Variants in RASD2 observed in about 807,000 individuals in gnomAD.
The protein encoded by RASD2 is GTP-binding protein Rhes.
A neutral mutation model predicts 15.8 loss-of-function variants in RASD2; 7 were observed. That is an observed-to-expected ratio of 0.44 (90% CI 0.25 to 0.83). The LOEUF is 0.83. Ranked by LOEUF, RASD2 falls within the 40% of genes least tolerant of loss-of-function variation. The probability of loss-of-function intolerance (pLI) is 0.20; values close to 1 mark genes in which losing one functional copy is unlikely to be tolerated. For missense variants in RASD2, 274 were observed against 382.8 expected, an observed-to-expected ratio of 0.72 and a Z score of 2.37; for synonymous variants, 155 against 153.6, an observed-to-expected ratio of 1.01 and a Z score of -0.07.
In RASD2 at chr22:35,551,949, G is replaced by A. The variant is rs773728360; in HGVS notation, c.718G>A (p.Val240Ile). Reference protein sequence around the residue: ...MVSPFARRPSVNSDLKYIKAK... With the variant: ...MVSPFARRPSINSDLKYIKAK... Reference sequence around the variant, plus strand: ...CTCGCCCTTCGCCCGCCGCCCCAGCGTCAACAGTGACCTCAAGTACATCAA... The same window carrying A: ...CTCGCCCTTCGCCCGCCGCCCCAGCATCAACAGTGACCTCAAGTACATCAA... The change falls in exon 3 of 3, where the codon GTC (valine) becomes ATC (isoleucine). Residue 240 changes from valine (V) to isoleucine (I), a missense_variant. Coordinates refer to ENST00000216127, the MANE Select transcript of RASD2 (RefSeq NM_014310.4). The surrounding 1 kb of genome is among the most constrained non-coding windows in gnomAD (Gnocchi z 4.9). 1.4e-5 allele frequency: 22 copies of A among 1,606,094 alleles called. No individual in the cohort carries two copies. The highest frequency in any genetic ancestry group is 1.9e-5 in the Non-Finnish European group (22 of 1,179,996).
At chr22:35,549,342 G>T (rs1934599682) in intron 2 of RASD2, among the ~76,000 whole-genome samples, 1 of 151,990 alleles carries the variant, frequency 6.6e-6, no homozygotes, top group African/African-American at 2.4e-5. Context: ...ACCAACCCGT[G>T]CCTCATTTTC....
chr22:35,533,414 A>C, the RASD2 span, among the ~76,000 whole-genome samples: 3 of 152,236 alleles, frequency 2.0e-5, no homozygotes, highest in African/African-American at 7.2e-5. Context: ...TAAACACCTA[A>C]AAAGGAGCAA....
rs1934712885 is a variant in RASD2 at position 35,552,783 on chromosome 22, A to C, written c.*751A>C. 6.6e-6 allele frequency: 1 copy of C among 152,412 alleles called. No individual in the cohort carries two copies. Among genetic ancestry groups the C allele is most frequent in the Non-Finnish European group, 1.5e-5 (1 of 68,036 alleles). 9.4% of individuals were successfully genotyped at this position (152,412 alleles called of 1,614,324 possible). The stretch of plus-strand genomic sequence containing the variant: ...AGAAATGGAAATCATTGTACTGTAA[A>C]AGCCTAGTGACTCCCTCCTTGGCCA... On this transcript the variant is annotated 3_prime_UTR_variant, in exon 3 of 3. Transcript: ENST00000216127.
intron 1 of RASD2, among the ~76,000 whole-genome samples, chr22:35,545,075 G>A (rs1470076665): frequency 1.3e-5 from 2 of 152,186 alleles, no homozygotes; most frequent in African/African-American, 4.8e-5. Flanking sequence ...TTCATTCATC[G>A]AAGTCACATT....
In RASD2 at chr22:35,546,788, C is replaced by A. The variant is rs778517535; in HGVS notation, c.-9-13C>A. 6.2e-7 allele frequency: 1 copy of A among 1,609,318 alleles called. No homozygotes were observed. The highest frequency in any genetic ancestry group is 8.5e-7 in the Non-Finnish European group (1 of 1,177,436). The stretch of plus-strand genomic sequence containing the variant: ...GGGGGGCCCTGATGCCTGCTTCTCT[C>A]GCTTTGTTGCAGCCCCGAGCCATGA... On this transcript the variant is annotated splice_polypyrimidine_tract_variant and intron_variant, in intron 1 of 2. Transcript: ENST00000216127.
At chr22:35,544,518 GAC>G (rs370851727) in intron 1 of RASD2, among the ~76,000 whole-genome samples, 86 of 152,374 alleles carry the variant, frequency 5.6e-4, no homozygotes, top group African/African-American at 2.0e-3. Flanking sequence ...CAAACCCAAA[GAC>G]AGAGCCCTTT....
rs184391459 is a variant in RASD2, at chr22:35,542,975, T to C, written c.-10+1475T>C. ...CGCCTGATGCCAGCTGAGGCTTCAC[T>C]GAGACAGACAGTGTTTTGGAAAAGA... On this transcript the variant is annotated intron_variant, in intron 1 of 2. Transcript: ENST00000216127. 3.4e-3 allele frequency among the ~76,000 whole-genome samples: 519 copies of C among 152,290 alleles called. 4 individuals are homozygous for C. Among genetic ancestry groups the C allele is most frequent in the Non-Finnish European group, 5.8e-3 (394 of 68,010 alleles).
Position 35,551,399 on chromosome 22 carries a change from G to A in RASD2, c.272-104G>A, listed in dbSNP as rs1209283974. On this transcript the variant is annotated intron_variant, in intron 2 of 2. Coordinates refer to ENST00000216127, the MANE Select transcript of RASD2 (RefSeq NM_014310.4). The surrounding 1 kb of genome is among the most constrained non-coding windows in gnomAD (Gnocchi z 4.9). ...GCAGTTATGCCGCATAACTGCTTCA[G>A]GGCACCTGTGACTCCCAGCTCTTAG... 8.4e-7 allele frequency: 1 copy of A among 1,193,878 alleles called. No individual in the cohort carries two copies. The highest frequency in any genetic ancestry group is 1.2e-6 in the Non-Finnish European group (1 of 836,726). 74.0% of individuals were successfully genotyped at this position (1,193,878 alleles called of 1,614,324 possible). A position where few individuals can be genotyped will look rare whatever the true frequency, so the allele number is the denominator to read the frequency against.
At chr22:35,549,507 C>T (rs1934602709) in intron 2 of RASD2, among the ~76,000 whole-genome samples, 1 of 152,300 alleles carries the variant, frequency 6.6e-6, no homozygotes, top group Middle Eastern at 3.4e-3. Context: ...ATGTCAAGGC[C>T]ACGAGTCCTC....
chr22:35,547,612 G>T (rs953879103), intron 2 of RASD2, among the ~76,000 whole-genome samples: 1 of 152,186 alleles, frequency 6.6e-6, no homozygotes, highest in East Asian at 1.9e-4. Context: ...TGTTCTTAGA[G>T]CTTGGCATGT....
At chr22:35,540,102 G>A (rs1215385270), upstream of RASD2, among the ~76,000 whole-genome samples, 10 of 152,238 alleles carry the variant, frequency 6.6e-5, no homozygotes, top group Non-Finnish European at 1.5e-4. Flanking sequence ...CAGGCAGGTT[G>A]GACACCTGGG....
chr22:35,534,441 G>A, the RASD2 span, among the ~76,000 whole-genome samples: 4 of 152,164 alleles, frequency 2.6e-5, no homozygotes, highest in Admixed American at 6.5e-5. Context: ...GCTTCTCCAC[G>A]TAGGGTTGTG....
intron 1 of RASD2, among the ~76,000 whole-genome samples, chr22:35,544,195 G>T (rs1206532072): frequency 1.3e-5 from 2 of 152,234 alleles, no homozygotes. Flanking sequence ...TTAGACAGAA[G>T]TGACCGCCAG....
At chr22:35,536,450 C>T (rs1011864946), upstream of RASD2, among the ~76,000 whole-genome samples, 1 of 152,040 alleles carries the variant, frequency 6.6e-6, no homozygotes, top group African/African-American at 2.4e-5. Flanking sequence ...CTCAGCCTCC[C>T]GAGTAGCTGG....
upstream of RASD2, among the ~76,000 whole-genome samples, chr22:35,536,447 T>C (rs530356183): frequency 3.1e-4 from 47 of 151,834 alleles, no homozygotes. Context: ...TGCCTCAGCC[T>C]CCCGAGTAGC....
chr22:35,547,445 C>T (rs1441187511), intron 2 of RASD2, among the ~76,000 whole-genome samples: 6 of 152,310 alleles, frequency 3.9e-5, no homozygotes, highest in African/African-American at 7.2e-5. Flanking sequence ...GGTCAGTCCA[C>T]GGGGCTCAGG....
At chr22:35,535,952 C>T (rs112744066), upstream of RASD2, among the ~76,000 whole-genome samples, 3,054 of 152,142 alleles carry the variant, frequency 0.02, 101 homozygotes, top group African/African-American at 0.069. Context: ...TCAGATGCAC[C>T]GGGGGCAGGG....
the RASD2 span, among the ~76,000 whole-genome samples, chr22:35,535,759 C>T: frequency 1.2e-4 from 18 of 152,240 alleles, no homozygotes; most frequent in East Asian, 2.7e-3. Flanking sequence ...TTGGCTGGAG[C>T]ATAAAGGAGG....
At chr22:35,547,132 G>A (rs769914028) in intron 2 of RASD2, 52 bp downstream of exon 2, 17 of 1,552,062 alleles carry the variant, frequency 1.1e-5, no homozygotes, top group East Asian at 2.2e-5. Context: ...GCATGGGTGC[G>A]GAGTGTGCTG....
Sources: allele counts gnomAD v4.1 joint callset (sites outside exome capture counted in the v4.1 genomes callset), GRCh38; gene constraint gnomAD v4.1.1; non-coding constraint Gnocchi (gnomAD v3.1); transcripts MANE v1.5; gene names NCBI Gene and HGNC (gene_info 2026-07-23, HGNC 2026-07-21).